Variants in SIK3 observed in about 807,000 individuals in gnomAD.
The protein encoded by SIK3 is serine/threonine-protein kinase SIK3.
A neutral mutation model predicts 144.2 loss-of-function variants in SIK3; 28 were observed. The observed-to-expected ratio is 0.19, with a 90% confidence interval of 0.14 to 0.27. SIK3 has a LOEUF of 0.27. Among genes scored for constraint, SIK3 ranks in the 10% least tolerant of loss-of-function variants. The pLI is 1.00. For synonymous variants in SIK3, 686 were observed against 676.3 expected (o/e 1.01, Z -0.22); for missense variants, 1,319 against 1,776.0 (o/e 0.74, Z 4.62).
intron 1 of SIK3, among the ~76,000 whole-genome samples, chr11:117,085,194 G>A (rs1259608132): frequency 6.6e-6 from 1 of 151,916 alleles, no homozygotes; most frequent in African/African-American, 2.4e-5. Flanking sequence ...TTACTGCACT[G>A]TAATCTGGAA....
At chr11:117,082,928 C>A (rs11216270) in intron 1 of SIK3, among the ~76,000 whole-genome samples, 10,953 of 152,084 alleles carry the variant, frequency 0.072, 473 homozygotes, top group Middle Eastern at 0.11. Flanking sequence ...TACAGATTGT[C>A]GCAAGCAACT....
intron 16 of SIK3, among the ~76,000 whole-genome samples, chr11:116,863,282 C>T (rs1943450727): frequency 6.6e-6 from 1 of 152,148 alleles, no homozygotes; most frequent in Non-Finnish European, 1.5e-5. Flanking sequence ...GACAGAGTCT[C>T]GTTCTGTTGC....
At chr11:117,018,715 T>A (rs199825800) in intron 1 of SIK3, among the ~76,000 whole-genome samples, 8 of 113,342 alleles carry the variant, frequency 7.1e-5, no homozygotes, top group East Asian at 2.2e-4. Context: ...TATTTTATTT[T>A]ATTTATTTTT....
intron 6 of SIK3, among the ~76,000 whole-genome samples, chr11:116,896,007 T>C (rs911871593): frequency 6.6e-6 from 1 of 152,214 alleles, no homozygotes; most frequent in Admixed American, 6.5e-5. Flanking sequence ...AGCCAATTTA[T>C]AGATGAGGAC....
intron 3 of SIK3, among the ~76,000 whole-genome samples, chr11:116,933,363 A>G (rs950358440): frequency 1.3e-5 from 2 of 151,084 alleles, no homozygotes; most frequent in Admixed American, 6.6e-5. Flanking sequence ...CTGGTCTCAA[A>G]CTCCTGACCT....
intron 1 of SIK3, among the ~76,000 whole-genome samples, chr11:117,008,001 G>C (rs761891679): frequency 6.9e-6 from 1 of 145,480 alleles, no homozygotes; most frequent in South Asian, 2.2e-4. Context: ...GCTTGAACCC[G>C]GGTAGCAGAA....
intron 1 of SIK3, among the ~76,000 whole-genome samples, chr11:117,076,130 T>C (rs1954525108): frequency 1.3e-5 from 2 of 152,168 alleles, no homozygotes; most frequent in South Asian, 2.1e-4. Context: ...ATTACAGGTG[T>C]GAGCCACTGC....
chr11:116,953,256 T>G lies in SIK3; in HGVS notation c.454+788A>C, dbSNP rs186331126. ...AATTAAAAAATTTTAAACTAGCAAG[T>G]GTTCATATTGATAAATTTTTTTTAA... On this transcript the variant is annotated intron_variant, in intron 3 of 24. Coordinates refer to ENST00000445177, the MANE Select transcript of SIK3 (RefSeq NM_001366686.3). 6.9e-3 allele frequency among the ~76,000 whole-genome samples: 1,049 copies of G among 152,246 alleles called. 9 individuals are homozygous for G. The highest frequency in any genetic ancestry group is 0.011 in the Non-Finnish European group (775 of 68,022).
intron 4 of SIK3, among the ~76,000 whole-genome samples, chr11:116,920,689 A>G (rs1055619231): frequency 6.6e-6 from 1 of 152,132 alleles, no homozygotes; most frequent in Non-Finnish European, 1.5e-5. Context: ...ACGCACCTCA[A>G]ATGCCATGTC....
At chr11:116,847,395 G>A (rs938527818) in intron 23 of SIK3, 81 bp downstream of exon 23, 13 of 1,584,990 alleles carry the variant, frequency 8.2e-6, no homozygotes, top group South Asian at 2.2e-5. Flanking sequence ...CTCTTCCTAC[G>A]AAGAGAGGAG....
chr11:116,914,056 G>GCTCTA (rs1946481718), intron 4 of SIK3, among the ~76,000 whole-genome samples: 7 of 151,818 alleles, frequency 4.6e-5, no homozygotes. Flanking sequence ...TAGAAATTAA[G>GCTCTA]AGTAGGTAAC....
At chr11:116,947,495 C>A (rs936261627) in intron 3 of SIK3, among the ~76,000 whole-genome samples, 42 of 148,738 alleles carry the variant, frequency 2.8e-4, no homozygotes, top group Admixed American at 8.1e-4. Context: ...AACCAGAACA[C>A]CATTTTTTAC....
chr11:116,982,184 T>C (rs1311522421), intron 1 of SIK3, among the ~76,000 whole-genome samples: 1 of 152,178 alleles, frequency 6.6e-6, no homozygotes, highest in Non-Finnish European at 1.5e-5. Flanking sequence ...GACCTTCCAC[T>C]ATGCTTAGGT....
chr11:116,969,935 CT>C (rs1461084663), intron 1 of SIK3, among the ~76,000 whole-genome samples: 6 of 152,180 alleles, frequency 3.9e-5, no homozygotes, highest in Non-Finnish European at 7.3e-5. Flanking sequence ...GGGAAAATCA[CT>C]TTACCCCTCT....
At chr11:117,054,092 A>C (rs1369276602) in intron 1 of SIK3, among the ~76,000 whole-genome samples, 1 of 152,220 alleles carries the variant, frequency 6.6e-6, no homozygotes, top group African/African-American at 2.4e-5. Flanking sequence ...ATAATGAGGG[A>C]CTAACTAATG....
At chr11:116,984,785 C>A (rs113526029) in intron 1 of SIK3, among the ~76,000 whole-genome samples, 3 of 152,232 alleles carry the variant, frequency 2.0e-5, no homozygotes, top group Middle Eastern at 6.8e-3. Flanking sequence ...AAGGCCATTA[C>A]GCAATTTGTG....
chr11:116,897,026 C>A (rs1329534137), intron 5 of SIK3, among the ~76,000 whole-genome samples, 167 bp downstream of exon 5: 147 of 102,566 alleles, frequency 1.4e-3, no homozygotes, highest in African/African-American at 3.3e-3. Context: ...GACTCTGTTT[C>A]AAAAAAAAAA....
chr11:116,875,837 T>A (rs1484511420), intron 9 of SIK3, 29 bp downstream of exon 9: 3 of 1,581,922 alleles, frequency 1.9e-6, no homozygotes, highest in African/African-American at 1.4e-5. Context: ...TTACTTGTCC[T>A]GAACTAGGTC....
intron 1 of SIK3, among the ~76,000 whole-genome samples, chr11:116,968,930 A>C (rs1415265765): frequency 1.3e-5 from 2 of 152,228 alleles, no homozygotes; most frequent in Non-Finnish European, 1.5e-5. Flanking sequence ...AAGCCAATTA[A>C]CATGACCCCT....
Sources: allele counts gnomAD v4.1 joint callset (sites outside exome capture counted in the v4.1 genomes callset), GRCh38; gene constraint gnomAD v4.1.1; transcripts MANE v1.5; gene names NCBI Gene and HGNC (gene_info 2026-07-23, HGNC 2026-07-21).